Variants in GAD2 observed in about 807,000 individuals in gnomAD.
GAD2 encodes 65 kDa glutamic acid decarboxylase.
Under a neutral mutation model 80.1 loss-of-function variants are expected in GAD2, and 22 were observed. The observed-to-expected ratio is 0.27, with a 90% CI of 0.20 to 0.39. The LOEUF (loss-of-function observed/expected upper bound fraction) is 0.39. Among genes scored for constraint, GAD2 ranks in the 10% least tolerant of loss-of-function variants. GAD2 has a pLI of 1.00. For missense variants in GAD2, 624 were observed against 738.4 expected (o/e 0.85, Z 1.80); for synonymous variants, 274 against 256.9 (o/e 1.07, Z -0.64).
At chr10:26,221,717 T>C (rs1317247797) in intron 4 of GAD2, among the ~76,000 whole-genome samples, 1 of 152,232 alleles carries the variant, frequency 6.6e-6, no homozygotes, top group Non-Finnish European at 1.5e-5. Context: ...GCTCATTTGC[T>C]AGTCTGCAGG....
At chr10:26,249,592 G>A (rs536534450) in intron 8 of GAD2, among the ~76,000 whole-genome samples, 2 of 152,302 alleles carry the variant, frequency 1.3e-5, no homozygotes, top group East Asian at 3.9e-4. Context: ...GAACCCCAGG[G>A]GGCTGAGAGG....
At chr10:26,243,896 G>T (rs1368344157) in intron 7 of GAD2, among the ~76,000 whole-genome samples, 1 of 152,202 alleles carries the variant, frequency 6.6e-6, no homozygotes, top group Non-Finnish European at 1.5e-5. Flanking sequence ...ATACATAGCT[G>T]CTGGAGCTGG....
Position 26,217,832 on chromosome 10 carries a change from C to A in GAD2, c.137-10C>A. ...GATTGACGAGGCCCGCGTTCGGTGT[C>A]CTTACCCAGCCCTGCTCTACGGAGA... On this transcript the variant is annotated splice_polypyrimidine_tract_variant and intron_variant, in intron 2 of 15. Coordinates refer to ENST00000376261, the MANE Select transcript of GAD2 (RefSeq NM_001134366.2). This position sits in a 1 kb window ranked among gnomAD's most constrained non-coding sequence, Gnocchi z 4.9. The A allele has an allele frequency of 6.3e-7, 1 of 1,599,264 alleles. No homozygotes were observed. Among genetic ancestry groups the A allele is most frequent in the Non-Finnish European group, 8.5e-7 (1 of 1,172,734 alleles).
At chr10:26,300,342 G>T (rs1834315373) in intron 15 of GAD2, among the ~76,000 whole-genome samples, 1 of 152,174 alleles carries the variant, frequency 6.6e-6, no homozygotes, top group Non-Finnish European at 1.5e-5. Flanking sequence ...TTTCAAGAAA[G>T]TTGCCAAAAG....
At chr10:26,224,785 A>G in intron 6 of GAD2, 134 bp downstream of exon 6, 1 of 642,296 alleles carries the variant, frequency 1.6e-6, no homozygotes, top group Non-Finnish European at 2.7e-6. Flanking sequence ...CAAAAGAATG[A>G]CTGTGATTAA....
intron 8 of GAD2, among the ~76,000 whole-genome samples, chr10:26,264,756 CG>C (rs1220025267): frequency 6.6e-6 from 1 of 152,172 alleles, no homozygotes; most frequent in Non-Finnish European, 1.5e-5. Context: ...GGTCATTTAT[CG>C]TTGCTGCTGA....
intron 6 of GAD2, among the ~76,000 whole-genome samples, chr10:26,225,813 T>C (rs1389864553): frequency 1.3e-5 from 2 of 152,202 alleles, no homozygotes; most frequent in Admixed American, 6.5e-5. Context: ...AAAATTAGCC[T>C]TTTAAAAAGT....
chr10:26,260,367 C>T (rs371490221), intron 8 of GAD2, among the ~76,000 whole-genome samples: 1 of 152,012 alleles, frequency 6.6e-6, no homozygotes, highest in Non-Finnish European at 1.5e-5. Flanking sequence ...CATGGCTCAC[C>T]CCTGTAATCC....
intron 13 of GAD2, among the ~76,000 whole-genome samples, chr10:26,288,029 C>T (rs910947595): frequency 1.3e-5 from 2 of 152,116 alleles, no homozygotes; most frequent in Non-Finnish European, 2.9e-5. Context: ...CAATGCATTC[C>T]TTATGCTTTT....
At position 26,302,056 on chromosome 10, in the gene GAD2, A is replaced by G. The variant is rs1348724669; in HGVS notation, c.*1095A>G. 6.6e-6 allele frequency: 1 copy of G among 152,186 alleles called. No individual in the cohort carries two copies. Among genetic ancestry groups the G allele is most frequent in the East Asian group, 1.9e-4 (1 of 5,198 alleles). 9.4% of individuals were successfully genotyped at this position (152,186 alleles called of 1,614,324 possible). On this transcript the variant is annotated 3_prime_UTR_variant, in exon 16 of 16. Coordinates refer to ENST00000376261, the MANE Select transcript of GAD2 (RefSeq NM_001134366.2). ...TCCCAGAATGTGGTGAGCCCAGAAAATTAAAGTTGGCCTTGGGAGAAGAGA... is the reference window on the plus strand; with the variant it reads ...TCCCAGAATGTGGTGAGCCCAGAAAGTTAAAGTTGGCCTTGGGAGAAGAGA...
At chr10:26,251,149 C>A (rs1408917579) in intron 8 of GAD2, among the ~76,000 whole-genome samples, 1 of 151,100 alleles carries the variant, frequency 6.6e-6, no homozygotes, top group Non-Finnish European at 1.5e-5. Context: ...CCACCCACCT[C>A]GGCCTCCCAA....
At chr10:26,256,807 C>G (rs1447778568) in intron 8 of GAD2, among the ~76,000 whole-genome samples, 1 of 152,178 alleles carries the variant, frequency 6.6e-6, no homozygotes, top group African/African-American at 2.4e-5. Flanking sequence ...TGACTATTTT[C>G]TCCTTTGCAG....
chr10:26,226,673 G>A lies in GAD2; in HGVS notation c.724+2022G>A, dbSNP rs992286120. Among the ~76,000 whole-genome samples, 4 of 152,204 alleles carry A rather than the reference G, an allele frequency of 2.6e-5. No individual in the cohort carries two copies. The East Asian group carries it at 7.7e-4, about 29-fold the overall frequency. On this transcript the variant is annotated intron_variant, in intron 6 of 15. Coordinates refer to ENST00000376261, the MANE Select transcript of GAD2 (RefSeq NM_001134366.2). ...AAAGCCACACATCTTATGCATCTGG[G>A]ATCTAAAAGTCTCATTCCCTGGGAC...
Position 26,285,495 on chromosome 10 carries a change from T to A in GAD2, c.1237-850T>A, listed in dbSNP as rs867830983. On this transcript the variant is annotated intron_variant, in intron 12 of 15. Transcript: ENST00000376261. ...TTTCATGACAAATTGAAACACGGGG[T>A]TTTTAGTGAAGAGACTGTCGATACT... Among the ~76,000 whole-genome samples the A allele has an allele frequency of 2.6e-5, 4 of 151,566 alleles. No individual in the cohort carries two copies. The South Asian group carries it at 8.4e-4, about 32-fold the overall frequency.
Position 26,303,708 on chromosome 10 carries a change from GA to G in GAD2, c.*2748del, listed in dbSNP as rs1196218949. The G allele has an allele frequency of 6.6e-6, 1 of 152,248 alleles. No individual in the cohort carries two copies. The highest frequency in any genetic ancestry group is 3.4e-3 in the Middle Eastern group (1 of 294). 9.4% of individuals were successfully genotyped at this position (152,248 alleles called of 1,614,324 possible). A position where few individuals can be genotyped will look rare whatever the true frequency, so the allele number is the denominator to read the frequency against. The stretch of plus-strand genomic sequence containing the variant: ...AAACAAGTGTGATATGTCTTTATCT[GA>G]GACCTATACATGGTATGGACTTCAT... On this transcript the variant is annotated 3_prime_UTR_variant, in exon 16 of 16. Transcript: ENST00000376261.
chr10:26,241,038 T>C (rs1844735896), intron 7 of GAD2, among the ~76,000 whole-genome samples: 1 of 151,560 alleles, frequency 6.6e-6, no homozygotes, highest in African/African-American at 2.4e-5. Flanking sequence ...TGAGACTCCG[T>C]CTCAAAAAAG....
At chr10:26,261,157 T>C (rs1564665328) in intron 8 of GAD2, among the ~76,000 whole-genome samples, 1 of 152,244 alleles carries the variant, frequency 6.6e-6, no homozygotes, top group African/African-American at 2.4e-5. Context: ...ATTTCATCTG[T>C]TGTATCTTTT....
chr10:26,216,935 G>A lies in GAD2; in HGVS notation c.76+50G>A. The A allele has an allele frequency of 6.6e-7, 1 of 1,525,900 alleles. No individual in the cohort carries two copies. Among genetic ancestry groups the A allele is most frequent in the South Asian group, 1.1e-5 (1 of 87,624 alleles). The allele number at this position is 1,525,900 out of a possible 1,614,324, so 94.5% of individuals were successfully genotyped here. On this transcript the variant is annotated intron_variant, in intron 1 of 15. Transcript: ENST00000376261. The surrounding 1 kb of genome is among the most constrained non-coding windows in gnomAD (Gnocchi z 4.7). The stretch of plus-strand genomic sequence containing the variant: ...GGCGGGCGAGTTTTGCGGTGGTCTG[G>A]GGTTTGCGGAACTACGGAGAAGACG...
intron 10 of GAD2, among the ~76,000 whole-genome samples, chr10:26,271,001 A>C (rs4749103): frequency 0.2 from 29,967 of 152,144 alleles, 3,079 homozygotes; most frequent in East Asian, 0.31. Flanking sequence ...TTGTATTTCT[A>C]TGATCAGTAC....
Sources: allele counts gnomAD v4.1 joint callset (sites outside exome capture counted in the v4.1 genomes callset), GRCh38; gene constraint gnomAD v4.1.1; non-coding constraint Gnocchi (gnomAD v3.1); transcripts MANE v1.5; gene names NCBI Gene and HGNC (gene_info 2026-07-23, HGNC 2026-07-21).